The following ADAM2 variants were observed in gnomAD, a reference collection of about 807,000 sequenced individuals.
ADAM2 encodes the protein ADAM metallopeptidase domain 2.
ADAM2 carries 101 observed loss-of-function variants against 99.3 expected under a neutral mutation model. The observed-to-expected ratio is 1.02, with a 90% CI of 0.87 to 1.20. The LOEUF is 1.20. ADAM2 is among the 50% of genes most tolerant of loss of function. The probability of loss-of-function intolerance (pLI) is 0.00; values close to 1 mark genes in which losing one functional copy is unlikely to be tolerated. For synonymous variants in ADAM2, 323 were observed against 287.6 expected (o/e 1.12, Z -1.25); for missense variants, 948 against 878.7 (o/e 1.08, Z -1.00).
chr8:39,816,956 A>G (rs1324247645), intron 6 of ADAM2, among the ~76,000 whole-genome samples: 1 of 152,224 alleles, frequency 6.6e-6, no homozygotes, highest in East Asian at 1.9e-4. Flanking sequence ...TAGTTTGTCA[A>G]CTCCTAATTA....
intron 7 of ADAM2, among the ~76,000 whole-genome samples, chr8:39,796,018 G>T (rs1803923668): frequency 6.6e-6 from 1 of 151,798 alleles, no homozygotes; most frequent in South Asian, 2.1e-4. Flanking sequence ...AAGAACATGT[G>T]TCAGAAATAG....
At chr8:39,807,436 T>C (rs562166012) in intron 7 of ADAM2, among the ~76,000 whole-genome samples, 8 of 152,240 alleles carry the variant, frequency 5.3e-5, no homozygotes, top group African/African-American at 1.9e-4. Flanking sequence ...AGGACACGAA[T>C]ATGGGGAAGT....
chr8:39,749,146 T>A (rs1823596132), intron 18 of ADAM2, among the ~76,000 whole-genome samples, 166 bp downstream of exon 18: 1 of 152,128 alleles, frequency 6.6e-6, no homozygotes, highest in Non-Finnish European at 1.5e-5. Flanking sequence ...ACATATGTTG[T>A]AATATATTAC....
intron 3 of ADAM2, among the ~76,000 whole-genome samples, chr8:39,826,565 T>C (rs1172938897): frequency 6.6e-6 from 1 of 151,508 alleles, no homozygotes; most frequent in Non-Finnish European, 1.5e-5. Context: ...CTACTAAAAA[T>C]ACAAAAAATT....
intron 15 of ADAM2, among the ~76,000 whole-genome samples, chr8:39,759,084 C>T (rs1802257780): frequency 6.6e-6 from 1 of 151,926 alleles, no homozygotes; most frequent in Non-Finnish European, 1.5e-5. Context: ...CAATATAACT[C>T]CTCCAAAATT....
intron 3 of ADAM2, among the ~76,000 whole-genome samples, chr8:39,833,592 C>T (rs1805701122): frequency 6.6e-6 from 1 of 151,920 alleles, no homozygotes. Context: ...TTCATGACAT[C>T]CAGCAATCTG....
intron 5 of ADAM2, 36 bp from the exon 6 acceptor site, chr8:39,821,206 A>G: frequency 3.6e-6 from 5 of 1,405,832 alleles, no homozygotes; most frequent in Non-Finnish European, 4.8e-6. Flanking sequence ...AAGTAAAACA[A>G]TGCCTTGTGG....
intron 11 of ADAM2, among the ~76,000 whole-genome samples, chr8:39,773,072 A>G (rs1802845822): frequency 6.6e-6 from 1 of 151,936 alleles, no homozygotes; most frequent in African/African-American, 2.4e-5. Context: ...ATGAAATTCA[A>G]AAGATAGACA....
At chr8:39,771,438 A>T (rs1454709916) in intron 11 of ADAM2, among the ~76,000 whole-genome samples, 1 of 152,200 alleles carries the variant, frequency 6.6e-6, no homozygotes, top group Non-Finnish European at 1.5e-5. Context: ...GAAACCACTT[A>T]CTATAAATAA....
At chr8:39,832,856 A>G (rs1805672690) in intron 3 of ADAM2, among the ~76,000 whole-genome samples, 1 of 152,074 alleles carries the variant, frequency 6.6e-6, no homozygotes, top group East Asian at 1.9e-4. Flanking sequence ...GGTATATAGT[A>G]TGTGATTCAT....
At chr8:39,754,596 T>A (rs1203895716) in intron 16 of ADAM2, among the ~76,000 whole-genome samples, 3 of 152,224 alleles carry the variant, frequency 2.0e-5, no homozygotes, top group African/African-American at 7.2e-5. Context: ...TGACTTACAT[T>A]TTGTGTGAGA....
At chr8:39,786,441 G>A (rs1803469766) in intron 10 of ADAM2, among the ~76,000 whole-genome samples, 1 of 151,964 alleles carries the variant, frequency 6.6e-6, no homozygotes, top group Admixed American at 6.6e-5. Context: ...AGTTCTGTTT[G>A]TCAGAATAGT....
At chr8:39,807,461 T>C (rs1427361730) in intron 7 of ADAM2, among the ~76,000 whole-genome samples, 1 of 152,160 alleles carries the variant, frequency 6.6e-6, no homozygotes. Flanking sequence ...GCTGGAGTTC[T>C]ATGGAGTAAA....
intron 6 of ADAM2, among the ~76,000 whole-genome samples, chr8:39,814,503 G>A (rs942826650): frequency 6.6e-6 from 1 of 152,090 alleles, no homozygotes; most frequent in Non-Finnish European, 1.5e-5. Context: ...TAAAGACTAA[G>A]GAATTGGATC....
At chr8:39,815,733 A>G (rs767867168) in intron 6 of ADAM2, among the ~76,000 whole-genome samples, 16 of 152,274 alleles carry the variant, frequency 1.1e-4, no homozygotes, top group Middle Eastern at 3.4e-3. Flanking sequence ...TTTAAATGAT[A>G]ATAATTTTTA....
rs117709510 is a variant in ADAM2, at chr8:39,802,290, G to T, written c.570+7120C>A. Among the ~76,000 whole-genome samples the T allele has an allele frequency of 4.3e-3, 648 of 152,230 alleles. 3 individuals carry two copies. Among genetic ancestry groups the T allele is most frequent in the Non-Finnish European group, 5.9e-3 (398 of 68,020 alleles). On this transcript the variant is annotated intron_variant, in intron 7 of 20. Transcript: ENST00000265708. Reference sequence around the variant, plus strand: ...CACCACACTGCTCTTCCTTCTTTCCGTGGGTCATGCCAGCCTTCTAGTCAA... The same window carrying T: ...CACCACACTGCTCTTCCTTCTTTCCTTGGGTCATGCCAGCCTTCTAGTCAA...
intron 7 of ADAM2, among the ~76,000 whole-genome samples, chr8:39,804,298 G>A (rs1023728378): frequency 1.3e-5 from 2 of 152,164 alleles, no homozygotes; most frequent in Non-Finnish European, 2.9e-5. Context: ...GCAACTAAAG[G>A]GAAAATGGCA....
intron 10 of ADAM2, 68 bp downstream of exon 10, chr8:39,786,902 AAATT>A (rs1346544329): frequency 1.7e-6 from 2 of 1,175,884 alleles, no homozygotes; most frequent in Non-Finnish European, 2.4e-6. Flanking sequence ...ATACACATAA[AAATT>A]AAATATGAAA....
At chr8:39,831,045 G>T (rs888225795) in intron 3 of ADAM2, among the ~76,000 whole-genome samples, 1 of 152,122 alleles carries the variant, frequency 6.6e-6, no homozygotes, top group Non-Finnish European at 1.5e-5. Context: ...CACTGAATCT[G>T]CCAGTGCCTC....
Sources: allele counts gnomAD v4.1 joint callset (sites outside exome capture counted in the v4.1 genomes callset), GRCh38; gene constraint gnomAD v4.1.1; transcripts MANE v1.5; gene names NCBI Gene and HGNC (gene_info 2026-07-23, HGNC 2026-07-21).